SNX17: variants seen among roughly 807,000 people sequenced by gnomAD.
SNX17 encodes the protein sorting nexin 17.
SNX17 carries 35 observed loss-of-function variants against 64.3 expected under a neutral mutation model. The observed-to-expected ratio is 0.54, with a 90% CI of 0.42 to 0.72. The LOEUF (loss-of-function observed/expected upper bound fraction) is 0.72. Ranked by LOEUF, SNX17 falls within the 30% of genes least tolerant of loss-of-function variation. The pLI, the probability that SNX17 is intolerant of heterozygous loss-of-function variation, is 0.00. For missense variants in SNX17, 538 were observed against 610.0 expected (o/e 0.88, Z 1.24); for synonymous variants, 259 against 230.2 (o/e 1.13, Z -1.13).
intron 2 of SNX17, 97 bp downstream of exon 2, chr2:27,371,440 T>G: frequency 6.7e-7 from 1 of 1,481,698 alleles, no homozygotes; most frequent in South Asian, 1.3e-5. Flanking sequence ...TCCCGTAGGC[T>G]GTAGTTCCCC....
Position 27,375,992 on chromosome 2 carries a change from C to G in SNX17, c.1104+21C>G, listed in dbSNP as rs1230273631. 59 of 1,613,928 alleles carry G rather than the reference C, an allele frequency of 3.7e-5. No homozygotes were observed. The highest frequency in any genetic ancestry group is 5.0e-5 in the Non-Finnish European group (59 of 1,179,910). ...CCCAGGTGTGAACCTACCCTCAGCCCTCCTCTGGAGCACCTTAAAGTGTAG... is the reference window on the plus strand; with the variant it reads ...CCCAGGTGTGAACCTACCCTCAGCCGTCCTCTGGAGCACCTTAAAGTGTAG... On this transcript the variant is annotated intron_variant, in intron 11 of 14. Coordinates refer to ENST00000233575, the MANE Select transcript of SNX17 (RefSeq NM_014748.4). This position sits in a 1 kb window ranked among gnomAD's most constrained non-coding sequence, Gnocchi z 4.1.
At chr2:27,376,541 G>A (rs1683259393) in intron 14 of SNX17, 21 bp downstream of exon 14, 1 of 1,614,176 alleles carries the variant, frequency 6.2e-7, no homozygotes, top group Non-Finnish European at 8.5e-7. Context: ...GCGTTGGTGA[G>A]GTTGCTGTTT....
Position 27,377,396 on chromosome 2 carries a change from G to A in SNX17, c.*677G>A. 2.4e-6 allele frequency: 2 copies of A among 844,952 alleles called. No individual in the cohort carries two copies. The highest frequency in any genetic ancestry group is 1.9e-6 in the Non-Finnish European group (1 of 514,788). 52.3% of individuals were successfully genotyped at this position (844,952 alleles called of 1,614,324 possible). A position where few individuals can be genotyped will look rare whatever the true frequency, so the allele number is the denominator to read the frequency against. ...CGTGAAGTGCCTCAGTCAAGGCAAG[G>A]TCCCCTGGTCCATATGGGCCCCCCC... On this transcript the variant is annotated 3_prime_UTR_variant, in exon 15 of 15. Coordinates refer to ENST00000233575, the MANE Select transcript of SNX17 (RefSeq NM_014748.4). This position sits in a 1 kb window ranked among gnomAD's most constrained non-coding sequence, Gnocchi z 4.4.
At chr2:27,372,842 A>G in intron 3 of SNX17, 102 bp downstream of exon 3, 1 of 1,476,276 alleles carries the variant, frequency 6.8e-7, no homozygotes, top group Non-Finnish European at 9.4e-7. Context: ...TTCTAGATCT[A>G]GGAAGGCTCT....
At chr2:27,371,419 G>T (rs766808351) in intron 2 of SNX17, 76 bp downstream of exon 2, 23 of 1,519,960 alleles carry the variant, frequency 1.5e-5, no homozygotes, top group Non-Finnish European at 2.0e-5. Context: ...CCCTTTACCC[G>T]CTCTTCTTGT....
Position 27,373,308 on chromosome 2 carries a change from A to G in SNX17, c.318A>G (p.Gln106=), listed in dbSNP as rs752167141. ...TCAACAGTTTCCTGCGTCGGGCACA[A>G]CAGGTAGGGCTTTGGGTGGGACCAA... ...ETFNSFLRRA[Q]QETQQVPTEE... The change falls in exon 4 of 15, where the codon CAA becomes CAG. Residue 106 remains glutamine (Q), a synonymous_variant. Transcript: ENST00000233575. The G allele has an allele frequency of 3.7e-6, 6 of 1,614,080 alleles. No individual in the cohort carries two copies. The highest frequency in any genetic ancestry group is 5.1e-6 in the Non-Finnish European group (6 of 1,180,024).
At position 27,372,615 on chromosome 2, in the gene SNX17, C is replaced by G. The variant is rs1682749889; in HGVS notation, c.139-8C>G. On this transcript the variant is annotated splice_polypyrimidine_tract_variant and splice_region_variant and intron_variant, in intron 2 of 14. Coordinates refer to ENST00000233575, the MANE Select transcript of SNX17 (RefSeq NM_014748.4). Reference sequence around the variant, plus strand: ...TATGTGAAGGGTTGTATCTCTTTCTCTAAATAGCTTCGGAAGGAGTATGGG... The same window carrying G: ...TATGTGAAGGGTTGTATCTCTTTCTGTAAATAGCTTCGGAAGGAGTATGGG... 1 of 1,614,188 alleles carries G rather than the reference C, an allele frequency of 6.2e-7. No homozygotes were observed. Among genetic ancestry groups the G allele is most frequent in the Non-Finnish European group, 8.5e-7 (1 of 1,180,030 alleles).
chr2:27,370,743 C>T lies in SNX17; in HGVS notation c.-1C>T, dbSNP rs1206017012. 6 of 1,549,426 alleles carry T rather than the reference C, an allele frequency of 3.9e-6. No individual in the cohort carries two copies. The East Asian group carries it at 1.2e-4, about 32-fold the overall frequency. On this transcript the variant is annotated 5_prime_UTR_variant, in exon 1 of 15. Coordinates refer to ENST00000233575, the MANE Select transcript of SNX17 (RefSeq NM_014748.4). The stretch of plus-strand genomic sequence containing the variant: ...CCCGGCCGTGCCGTGCCGTAGGGAA[C>T]ATGCACTTTTCCATTCCCGAAACCG...
chr2:27,376,134 C>T lies in SNX17; in HGVS notation c.1133C>T (p.Ser378Phe). 2 of 1,614,126 alleles carry T rather than the reference C, an allele frequency of 1.2e-6. No individual in the cohort carries two copies. The highest frequency in any genetic ancestry group is 1.7e-6 in the Non-Finnish European group (2 of 1,180,026). ...ATCATGATGAGCATCTGCTTGCAGT[C>T]CATGGTTGATGAACTGATGGTGAAG... ...QAIMMSICLQ[S>F]MVDELMVKKS... The change falls in exon 12 of 15, where the codon TCC becomes TTC. Residue 378 changes from serine to phenylalanine, a missense_variant. By Grantham distance (155) the Ser-to-Phe change is radical. This residue lies in a region of SNX17 where 505 missense variants were observed against 550.4 expected (regional missense o/e 0.92). Transcript: ENST00000233575.
At position 27,376,467 on chromosome 2, in the gene SNX17, C is replaced by T; in HGVS notation, c.1258-12C>T. The T allele has an allele frequency of 6.2e-7, 1 of 1,614,158 alleles. No individual in the cohort carries two copies. Among genetic ancestry groups the T allele is most frequent in the African/African-American group, 1.3e-5 (1 of 75,058 alleles). On this transcript the variant is annotated splice_polypyrimidine_tract_variant and intron_variant, in intron 13 of 14. Coordinates refer to ENST00000233575, the MANE Select transcript of SNX17 (RefSeq NM_014748.4). ...TAGTGAGTTTCTGACACCTCTGCCT[C>T]TTCTTCCCCAGGAGTCACCTGATGC...
Position 27,375,731 on chromosome 2 carries a change from A to C in SNX17, c.978+22A>C, listed in dbSNP as rs1683127749. ...CTCTGTGAGTCGGGTTAGGAGGGGG[A>C]AGGGCCTGGGTTGGGGGCCCGGCAA... is the stretch of plus-strand genomic sequence containing the variant. On this transcript the variant is annotated intron_variant, in intron 10 of 14. Transcript: ENST00000233575. The surrounding 1 kb of genome is among the most constrained non-coding windows in gnomAD (Gnocchi z 4.1). The C allele has an allele frequency of 3.1e-6, 5 of 1,612,544 alleles. No individual in the cohort carries two copies. In the African/African-American group the frequency reaches 6.7e-5, roughly 22 times the overall value.
At chr2:27,376,260 G>T in intron 12 of SNX17, 53 bp from the exon 13 acceptor site, 1 of 1,612,718 alleles carries the variant, frequency 6.2e-7, no homozygotes, top group Non-Finnish European at 8.5e-7. Context: ...GGCTTGTCTT[G>T]AGAGGGAGGG....
chr2:27,374,983 G>A (rs1368658256), intron 8 of SNX17, 78 bp from the exon 9 acceptor site: 18 of 1,343,660 alleles, frequency 1.3e-5, no homozygotes, highest in Non-Finnish European at 4.3e-6. Flanking sequence ...GGGTCAGGCT[G>A]GACAGAGGTA....
rs1682559014 is a variant in SNX17, at chr2:27,371,625, C to T, written c.138+282C>T. 4 of 325,356 alleles carry T rather than the reference C, an allele frequency of 1.2e-5. No homozygotes were observed. The South Asian group carries it at 3.5e-4, about 29-fold the overall frequency. 20.2% of individuals were successfully genotyped at this position (325,356 alleles called of 1,614,324 possible). A position where few individuals can be genotyped will look rare whatever the true frequency, so the allele number is the denominator to read the frequency against. ...CCCCTGCATGGACAAACCAACCCCT[C>T]CCCCCACTACCTCCACCCAGGCTGT... On this transcript the variant is annotated intron_variant, in intron 2 of 14. Transcript: ENST00000233575.
chr2:27,373,285 A>T lies in SNX17; in HGVS notation c.295A>T (p.Asn99Tyr), dbSNP rs760485016. The T allele has an allele frequency of 8.7e-6, 14 of 1,614,074 alleles. No individual in the cohort carries two copies. The South Asian group carries it at 1.5e-4, about 18-fold the overall frequency. ...ATTGCTTGGGAGCAGCGAGACTTTC[A>T]ACAGTTTCCTGCGTCGGGCACAACA... ...DPLLGSSETF[N>Y]SFLRRAQQET... is the part of the protein sequence containing the mutation. The change falls in exon 4 of 15, where the codon AAC (asparagine) becomes TAC (tyrosine). Residue 99 changes from asparagine (N) to tyrosine (Y), a missense_variant. Asn to Tyr is a moderately radical substitution (Grantham distance 143). Around this residue, in one of 3 missense-constraint regions of SNX17, gnomAD observed 505 missense variants for 550.4 expected, o/e 0.92. Transcript: ENST00000233575.
intron 6 of SNX17, 80 bp downstream of exon 6, chr2:27,374,255 C>G: frequency 1.3e-6 from 2 of 1,510,752 alleles, no homozygotes; most frequent in Non-Finnish European, 1.8e-6. Flanking sequence ...ACCCCCACCC[C>G]CAGAATGAAC....
At chr2:27,372,778 G>A (rs1682766606) in intron 3 of SNX17, 38 bp downstream of exon 3, 1 of 1,612,888 alleles carries the variant, frequency 6.2e-7, no homozygotes. Context: ...CTATATTGAG[G>A]ACTATGGGGA....
chr2:27,376,009 A>G, intron 11 of SNX17, 38 bp downstream of exon 11: 3 of 1,613,768 alleles, frequency 1.9e-6, no homozygotes, highest in Non-Finnish European at 2.5e-6. Context: ...GGAGCACCTT[A>G]AAGTGTAGAG....
At chr2:27,371,135 C>T (rs1682468643) in intron 1 of SNX17, 134 bp from the exon 2 acceptor site, 8 of 830,830 alleles carry the variant, frequency 9.6e-6, no homozygotes, top group Non-Finnish European at 3.9e-6. Flanking sequence ...TTGGCCCTGG[C>T]GAAAACAAGC....
Sources: allele counts gnomAD v4.1 joint callset, GRCh38; gene constraint gnomAD v4.1.1; regional missense constraint gnomAD v4.1.1; non-coding constraint Gnocchi (gnomAD v3.1); transcripts MANE v1.5; gene names NCBI Gene and HGNC (gene_info 2026-07-23, HGNC 2026-07-21).